Variants in ZNF438 observed in about 807,000 individuals in gnomAD.
The protein encoded by ZNF438 is zinc finger protein 438.
A neutral mutation model predicts 38.0 loss-of-function variants in ZNF438; 25 were observed. The ratio of observed to expected loss-of-function variants is 0.66; its 90% confidence interval spans 0.48 to 0.92. ZNF438 has a LOEUF of 0.92. Ranked by LOEUF, ZNF438 falls within the 40% of genes least tolerant of loss-of-function variation. ZNF438 has a pLI of 0.00. For synonymous variants in ZNF438, 372 were observed against 364.1 expected (o/e 1.02, Z -0.25); for missense variants, 1,007 against 999.6 (o/e 1.01, Z -0.10).
intron 4 of ZNF438, among the ~76,000 whole-genome samples, chr10:30,853,889 G>C (rs1353704750): frequency 6.6e-6 from 1 of 152,202 alleles, no homozygotes; most frequent in African/African-American, 2.4e-5. Context: ...CAGCTACTTG[G>C]GAGGCTGAGG....
chr10:30,989,675 A>G (rs541099093), intron 1 of ZNF438, among the ~76,000 whole-genome samples: 1 of 152,300 alleles, frequency 6.6e-6, no homozygotes, highest in South Asian at 2.1e-4. Flanking sequence ...TAATGTTTTG[A>G]GTAGTATTGT....
intron 1 of ZNF438, among the ~76,000 whole-genome samples, chr10:30,988,824 T>C (rs1323541593): frequency 6.6e-6 from 1 of 152,182 alleles, no homozygotes. Context: ...ACAGTTAACC[T>C]AGATGTGACA....
At chr10:30,848,963 C>A in exon 5 of ZNF438, 1 of 1,614,184 alleles carries the variant, frequency 6.2e-7, no homozygotes, top group African/African-American at 1.3e-5. Flanking sequence ...GTCTTGCTTA[C>A]AGCCAAGATA....
chr10:30,897,674 C>A (rs917859097), intron 3 of ZNF438, among the ~76,000 whole-genome samples: 4 of 152,112 alleles, frequency 2.6e-5, no homozygotes, highest in African/African-American at 4.8e-5. Context: ...AGCTGTAAAC[C>A]CCTAAATTAA....
At chr10:30,966,541 G>A (rs1347748103) in intron 1 of ZNF438, among the ~76,000 whole-genome samples, 6 of 151,544 alleles carry the variant, frequency 4.0e-5, no homozygotes, top group Admixed American at 2.0e-4. Context: ...GTGGTGGCAC[G>A]CACCTGTAGT....
intron 4 of ZNF438, among the ~76,000 whole-genome samples, chr10:30,874,895 A>C (rs1186213546): frequency 6.6e-6 from 1 of 151,832 alleles, no homozygotes. Flanking sequence ...ATCTTGGATC[A>C]GTCACTTACT....
At chr10:30,960,054 T>C (rs939298039) in intron 1 of ZNF438, among the ~76,000 whole-genome samples, 1 of 147,328 alleles carries the variant, frequency 6.8e-6, no homozygotes, top group Non-Finnish European at 1.5e-5. Flanking sequence ...TGTGCTTACA[T>C]GTGGCTATTA....
At chr10:30,894,293 C>A (rs1458410157) in intron 3 of ZNF438, among the ~76,000 whole-genome samples, 1 of 152,140 alleles carries the variant, frequency 6.6e-6, no homozygotes, top group Non-Finnish European at 1.5e-5. Context: ...CAAACTGCTT[C>A]GGGTGTTTGG....
In ZNF438 at chr10:30,948,919, A is replaced by G. The variant is rs531305585; in HGVS notation, c.-191-7268T>C. Among the ~76,000 whole-genome samples the G allele has an allele frequency of 2.2e-3, 337 of 152,010 alleles. 1 individual carries two copies. The highest frequency in any genetic ancestry group is 4.9e-3 in the African/African-American group (204 of 41,432). On this transcript the variant is annotated intron_variant, in intron 1 of 5. Transcript: ENST00000413025. Reference sequence around the variant, plus strand: ...AGAGAACGCCACAAAGATACTCCTCAAGAAGAGCAACTCCAAGACACATAA... The same window carrying G: ...AGAGAACGCCACAAAGATACTCCTCGAGAAGAGCAACTCCAAGACACATAA...
chr10:30,948,327 C>A (rs1201616571), intron 1 of ZNF438, among the ~76,000 whole-genome samples: 3 of 152,144 alleles, frequency 2.0e-5, no homozygotes, highest in African/African-American at 7.2e-5. Flanking sequence ...ACTGGAAACT[C>A]TAAAAAGCAG....
At chr10:30,861,049 A>G (rs1386061004) in intron 4 of ZNF438, among the ~76,000 whole-genome samples, 1 of 152,156 alleles carries the variant, frequency 6.6e-6, no homozygotes, top group Non-Finnish European at 1.5e-5. Flanking sequence ...AGCCCCTAAA[A>G]TGGACTAAAT....
intron 1 of ZNF438, among the ~76,000 whole-genome samples, chr10:30,947,149 A>G (rs367929619): frequency 1.3e-5 from 2 of 152,238 alleles, no homozygotes; most frequent in Non-Finnish European, 2.9e-5. Context: ...AAAGTGACAG[A>G]AATGTGATTA....
chr10:30,948,748 T>C (rs905584973), intron 1 of ZNF438, among the ~76,000 whole-genome samples: 2 of 151,402 alleles, frequency 1.3e-5, no homozygotes, highest in Admixed American at 6.6e-5. Flanking sequence ...TATGGGACTA[T>C]GTGAAAAGAC....
chr10:30,931,628 A>G (rs1192651709), intron 2 of ZNF438, among the ~76,000 whole-genome samples: 1 of 152,220 alleles, frequency 6.6e-6, no homozygotes, highest in African/African-American at 2.4e-5. Context: ...CACGTCTTCA[A>G]GGTAGCAGTA....
chr10:30,968,721 C>T (rs1416281328), intron 1 of ZNF438, among the ~76,000 whole-genome samples: 2 of 151,998 alleles, frequency 1.3e-5, no homozygotes, highest in South Asian at 2.1e-4. Context: ...GGATTACAGG[C>T]GTGAGCCACC....
intron 4 of ZNF438, among the ~76,000 whole-genome samples, chr10:30,864,021 C>T (rs1357896993): frequency 1.3e-5 from 2 of 152,220 alleles, no homozygotes; most frequent in Non-Finnish European, 2.9e-5. Context: ...CACTCTCCCT[C>T]TGTCCCACCC....
intron 1 of ZNF438, among the ~76,000 whole-genome samples, chr10:31,015,707 A>G (rs1242970240): frequency 6.6e-6 from 1 of 152,208 alleles, no homozygotes; most frequent in Non-Finnish European, 1.5e-5. Context: ...CTAAATGCCA[A>G]TATACTATCA....
chr10:30,969,075 T>C (rs1199516515), intron 1 of ZNF438, among the ~76,000 whole-genome samples: 2 of 152,152 alleles, frequency 1.3e-5, no homozygotes. Flanking sequence ...TGGAATTTCA[T>C]GGGTCACTTG....
At chr10:31,032,326 G>A (rs2057340917), upstream of ZNF438, among the ~76,000 whole-genome samples, 1 of 152,162 alleles carries the variant, frequency 6.6e-6, no homozygotes, top group Non-Finnish European at 1.5e-5. Context: ...ATCAGGTGCT[G>A]GCGGGTCCTC....
Sources: allele counts gnomAD v4.1 joint callset (sites outside exome capture counted in the v4.1 genomes callset), GRCh38; gene constraint gnomAD v4.1.1; transcripts MANE v1.5; gene names NCBI Gene and HGNC (gene_info 2026-07-23, HGNC 2026-07-21).